The following RHOBTB2 variants were observed in gnomAD, a reference collection of about 807,000 sequenced individuals.
The protein encoded by RHOBTB2 is Rho related BTB domain containing 2.
In RHOBTB2, 39 loss-of-function variants were observed where a neutral mutation model predicts 66.5. The observed-to-expected ratio is 0.59, with a 90% confidence interval of 0.45 to 0.77. RHOBTB2 has a LOEUF of 0.77. RHOBTB2 is among the 30% of genes least tolerant of loss of function. The pLI is 0.00. For missense variants in RHOBTB2, 755 were observed against 999.1 expected (o/e 0.76, Z 3.29); for synonymous variants, 390 against 395.0 (o/e 0.99, Z 0.15).
At chr8:22,987,771 G>C (rs1434904026) in intron 1 of RHOBTB2, among the ~76,000 whole-genome samples, 1 of 152,200 alleles carries the variant, frequency 6.6e-6, no homozygotes, top group East Asian at 1.9e-4. Flanking sequence ...TCCCCATCAA[G>C]GTGCGGTGGC....
chr8:23,010,835 C>G, intron 7 of RHOBTB2, 147 bp downstream of exon 7: 1 of 927,132 alleles, frequency 1.1e-6, no homozygotes. Flanking sequence ...TTGACGGGCA[C>G]AGAGTTCTGG....
At chr8:23,016,674 A>T in intron 9 of RHOBTB2, among the ~76,000 whole-genome samples, 1 of 152,116 alleles carries the variant, frequency 6.6e-6, no homozygotes, top group Non-Finnish European at 1.5e-5. Flanking sequence ...GGCCTCCCAA[A>T]GTGCTAGGAT....
chr8:22,987,233 C>G (rs1810304115), upstream of RHOBTB2, among the ~76,000 whole-genome samples: 2 of 152,184 alleles, frequency 1.3e-5, no homozygotes, highest in African/African-American at 4.8e-5. Context: ...GGCCAGGCAT[C>G]AAGAATGCTC....
At chr8:22,954,053 G>A in the RHOBTB2 span, among the ~76,000 whole-genome samples, 2 of 152,188 alleles carry the variant, frequency 1.3e-5, no homozygotes, top group African/African-American at 2.4e-5. Context: ...ATATGCCATC[G>A]ATATGTGACT....
chr8:22,959,563 T>C, the RHOBTB2 span, among the ~76,000 whole-genome samples: 1 of 152,152 alleles, frequency 6.6e-6, no homozygotes, highest in Admixed American at 6.5e-5. Context: ...CTACTCTTTC[T>C]AGGGCTGAAT....
intron 6 of RHOBTB2, among the ~76,000 whole-genome samples, chr8:23,010,125 G>T (rs1811095785): frequency 6.6e-6 from 1 of 152,126 alleles, no homozygotes; most frequent in Non-Finnish European, 1.5e-5. Flanking sequence ...GCTTCCAAAG[G>T]GTGCCAGTGA....
At chr8:22,992,146 T>A (rs895546614) in exon 2 of RHOBTB2, 1 of 152,124 alleles carries the variant, frequency 6.6e-6, no homozygotes, top group Admixed American at 6.5e-5. Flanking sequence ...TCAACTGTCA[T>A]CCCTGTGAGC....
chr8:22,968,623 T>C, the RHOBTB2 span, among the ~76,000 whole-genome samples: 1 of 152,070 alleles, frequency 6.6e-6, no homozygotes, highest in South Asian at 2.1e-4. Context: ...ATAGTTTTCC[T>C]GTAAAGCTAC....
chr8:22,995,923 G>A, upstream of RHOBTB2: 2 of 1,540,648 alleles, frequency 1.3e-6, no homozygotes, highest in Non-Finnish European at 8.8e-7. Context: ...AGCTGCCTGT[G>A]AAGCAAAGGG....
At chr8:22,960,631 T>A in the RHOBTB2 span, among the ~76,000 whole-genome samples, 1 of 152,124 alleles carries the variant, frequency 6.6e-6, no homozygotes, top group Non-Finnish European at 1.5e-5. Flanking sequence ...GTTGTCCTTT[T>A]TCATTGGAGG....
intron 9 of RHOBTB2, among the ~76,000 whole-genome samples, chr8:23,016,895 C>T (rs1811308326): frequency 6.6e-6 from 1 of 152,176 alleles, no homozygotes; most frequent in Admixed American, 6.5e-5. Context: ...TAGCTCTGGC[C>T]AGAAACTTCC....
rs1274596076 is a variant in RHOBTB2 at position 23,008,102 on chromosome 8, C to T, written c.1611C>T (p.Ser537=). The change falls in exon 6 of 10, where the codon TCC becomes TCT. Residue 537 remains serine, a synonymous_variant. Coordinates refer to ENST00000251822, the MANE Select transcript of RHOBTB2 (RefSeq NM_015178.3). ...AMFGGPFVES[S]TREVVFPYTS... ...TTGGGGGGCCATTTGTGGAGAGCTC[C>T]ACCCGGGAGGTAAGGCTGAGGACAC... The T allele has an allele frequency of 1.2e-6, 2 of 1,610,138 alleles. No homozygotes were observed. Among genetic ancestry groups the T allele is most frequent in the South Asian group, 1.1e-5 (1 of 90,908 alleles).
chr8:23,017,276 A>C lies in RHOBTB2; in HGVS notation c.1991A>C (p.His664Pro). The C allele has an allele frequency of 6.2e-7, 1 of 1,614,176 alleles. No homozygotes were observed. Among genetic ancestry groups the C allele is most frequent in the Non-Finnish European group, 8.5e-7 (1 of 1,180,032 alleles). ...SPENQEYFEK[H>P]RWPPVWYLKE... ...GAAAACCAGGAGTATTTCGAGAAGCATCGGTGGCCACCTGTGTGGTACCTG... is the reference window on the plus strand; with the variant it reads ...GAAAACCAGGAGTATTTCGAGAAGCCTCGGTGGCCACCTGTGTGGTACCTG... The change falls in exon 10 of 10, where the codon CAT (histidine) becomes CCT (proline). Residue 664 changes from histidine to proline, a missense_variant. Coordinates refer to ENST00000251822, the MANE Select transcript of RHOBTB2 (RefSeq NM_015178.3). The surrounding 1 kb of genome is among the most constrained non-coding windows in gnomAD (Gnocchi z 5.3).
At chr8:22,957,885 A>G in the RHOBTB2 span, among the ~76,000 whole-genome samples, 1 of 152,196 alleles carries the variant, frequency 6.6e-6, no homozygotes, top group East Asian at 1.9e-4. Flanking sequence ...TGCTGGGGTG[A>G]TTACCCTTAT....
At chr8:23,005,543 C>T in intron 3 of RHOBTB2, 68 bp downstream of exon 3, 2 of 1,037,652 alleles carry the variant, frequency 1.9e-6, no homozygotes, top group Non-Finnish European at 1.5e-6. Context: ...TTCCCAGGAA[C>T]AAAGCACCTC....
In RHOBTB2 at chr8:22,999,640, C is replaced by CT. The variant is rs761659476; in HGVS notation, c.-469dup. The CT allele has an allele frequency of 4.0e-6, 5 of 1,245,994 alleles. No individual in the cohort carries two copies. The highest frequency in any genetic ancestry group is 5.3e-5 in the Admixed American group (2 of 37,558). 77.2% of individuals were successfully genotyped at this position (1,245,994 alleles called of 1,614,324 possible). A position where few individuals can be genotyped will look rare whatever the true frequency, so the allele number is the denominator to read the frequency against. Reference sequence around the variant, plus strand: ...TTCTTTTCTTTTTTTTTTCCCTATCCTTTTTTTGTGAATGAAAAAAGGAGG... The same window carrying CT: ...TTCTTTTCTTTTTTTTTTCCCTATCCTTTTTTTTGTGAATGAAAAAAGGAGG... On this transcript the variant is annotated 5_prime_UTR_variant, in exon 1 of 10. Coordinates refer to ENST00000251822, the MANE Select transcript of RHOBTB2 (RefSeq NM_015178.3).
At chr8:22,976,815 C>A in the RHOBTB2 span, among the ~76,000 whole-genome samples, 3 of 151,816 alleles carry the variant, frequency 2.0e-5, no homozygotes, top group Admixed American at 1.3e-4. Flanking sequence ...TAAGTAGACA[C>A]GGGTTTTGCT....
intron 9 of RHOBTB2, among the ~76,000 whole-genome samples, chr8:23,016,894 C>A (rs1811308259): frequency 6.6e-6 from 1 of 152,160 alleles, no homozygotes; most frequent in African/African-American, 2.4e-5. Flanking sequence ...TTAGCTCTGG[C>A]CAGAAACTTC....
At chr8:22,994,561 G>T (rs746333466), upstream of RHOBTB2, 49 of 1,548,874 alleles carry the variant, frequency 3.2e-5, no homozygotes, top group Non-Finnish European at 4.0e-5. Flanking sequence ...TCACAACCAG[G>T]AGCCTGGAGG....
Sources: gnomAD v4.1 joint callset for allele counts (sites outside exome capture counted in the v4.1 genomes callset) on GRCh38, gnomAD v4.1.1 for gene constraint, Gnocchi (gnomAD v3.1) non-coding constraint, MANE v1.5 for transcripts, NCBI Gene and HGNC (gene_info 2026-07-23, HGNC 2026-07-21) for gene names.